The following KLHL3 variants were observed in gnomAD, a reference collection of about 807,000 sequenced individuals.
The protein encoded by KLHL3 is kelch-like protein 3.
In KLHL3, 19 loss-of-function variants were observed where a neutral mutation model predicts 70.5. The observed-to-expected ratio is 0.27, with a 90% CI of 0.19 to 0.40. The LOEUF (loss-of-function observed/expected upper bound fraction) is 0.40. Ranked by LOEUF, KLHL3 falls within the 10% of genes least tolerant of loss-of-function variation. The pLI is 1.00. For missense variants in KLHL3, 512 were observed against 771.1 expected (o/e 0.66, Z 3.98); for synonymous variants, 258 against 290.3 (o/e 0.89, Z 1.13).
chr5:137,664,283 G>A (rs776552553), intron 6 of KLHL3, among the ~76,000 whole-genome samples: 13 of 151,614 alleles, frequency 8.6e-5, no homozygotes, highest in Non-Finnish European at 1.5e-4. Context: ...CTGGGAGGTC[G>A]AGCCTACAGT....
Position 137,702,345 on chromosome 5 carries a change from T to C in KLHL3, c.242-3937A>G, listed in dbSNP as rs772710487. Among the ~76,000 whole-genome samples the C allele has an allele frequency of 2.6e-5, 4 of 152,318 alleles. No homozygotes were observed. In the South Asian group the frequency reaches 8.3e-4, roughly 32 times the overall value. On this transcript the variant is annotated intron_variant, in intron 3 of 14. Coordinates refer to ENST00000309755, the MANE Select transcript of KLHL3 (RefSeq NM_017415.3). ...AAGAGTCACTGATCTGGAGGAGTCA[T>C]AGTTATTCAGAAGAGAAGTGAGAAT...
intron 3 of KLHL3, 108 bp downstream of exon 3, chr5:137,709,642 G>C: frequency 2.4e-6 from 2 of 840,838 alleles, no homozygotes; most frequent in South Asian, 1.5e-5. Flanking sequence ...CCTCATAGTG[G>C]GCTAATGGCT....
chr5:137,698,367 C>T lies in KLHL3; in HGVS notation c.283G>A (p.Asp95Asn), dbSNP rs1181199465. The T allele has an allele frequency of 6.2e-6, 10 of 1,614,188 alleles. No homozygotes were observed. The highest frequency in any genetic ancestry group is 8.5e-6 in the Non-Finnish European group (10 of 1,180,028). ...ESKAKKIEIK[D>N]VDGQTLSKLI... ...TTACTCAGCGTCTGCCCATCCACGT[C>T]CTTGATTTCTATCTTTTTGGCTTTA... Residue 95 changes from aspartate to asparagine, a missense_variant, in exon 4 of 15, where the codon GAC (aspartate) becomes AAC (asparagine). Asp to Asn is a conservative substitution (Grantham distance 23). Coordinates refer to ENST00000309755, the MANE Select transcript of KLHL3 (RefSeq NM_017415.3).
chr5:137,726,266 G>C (rs1753083533), intron 1 of KLHL3, among the ~76,000 whole-genome samples: 1 of 152,096 alleles, frequency 6.6e-6, no homozygotes, highest in Admixed American at 6.6e-5. Context: ...CTAAAAAGCT[G>C]AAAAATCATC....
chr5:137,653,841 A>G (rs1375640322), intron 8 of KLHL3, among the ~76,000 whole-genome samples: 2 of 152,246 alleles, frequency 1.3e-5, no homozygotes, highest in Non-Finnish European at 2.9e-5. Context: ...CAAAAACTGG[A>G]TACCCAAATG....
intron 11 of KLHL3, among the ~76,000 whole-genome samples, chr5:137,635,986 AC>A (rs774287200): frequency 1.3e-5 from 2 of 152,292 alleles, no homozygotes; most frequent in Non-Finnish European, 1.5e-5. Context: ...GCTATTTTTA[AC>A]CCCTACTCTA....
chr5:137,704,084 T>A (rs1752626821), intron 3 of KLHL3, among the ~76,000 whole-genome samples: 1 of 152,174 alleles, frequency 6.6e-6, no homozygotes, highest in African/African-American at 2.4e-5. Context: ...GAGAGGAAAG[T>A]GAATTCTCCA....
At position 137,638,374 on chromosome 5, in the gene KLHL3, C is replaced by G. The variant is rs1003337997; in HGVS notation, c.1219+579G>C. Among the ~76,000 whole-genome samples the G allele has an allele frequency of 2.2e-4, 34 of 152,228 alleles. 1 individual carries two copies. Among genetic ancestry groups the G allele is most frequent in the Admixed American group, 2.1e-3 (32 of 15,286 alleles). ...ATAGAGCTACTGTCTGCAGAGACAT[C>G]TACCTGGCAGTATAAGCAGAGATGA... is the stretch of plus-strand genomic sequence containing the variant. On this transcript the variant is annotated intron_variant, in intron 10 of 14. Coordinates refer to ENST00000309755, the MANE Select transcript of KLHL3 (RefSeq NM_017415.3).
At chr5:137,671,871 T>C (rs1015918168) in intron 6 of KLHL3, 6 of 152,154 alleles carry the variant, frequency 3.9e-5, no homozygotes, top group Non-Finnish European at 5.9e-5. Context: ...GTGCTAGTTA[T>C]GTGGGTGTTT....
rs1308113750 is a variant in KLHL3 at position 137,735,801 on chromosome 5, T to C, written c.-155A>G. 7.1e-6 allele frequency: 7 copies of C among 988,270 alleles called. No individual in the cohort carries two copies. The East Asian group carries it at 1.4e-4, about 20-fold the overall frequency. 61.2% of individuals were successfully genotyped at this position (988,270 alleles called of 1,614,324 possible). On this transcript the variant is annotated 5_prime_UTR_variant, in exon 1 of 15. Transcript: ENST00000309755. ...GTGAAGCCTCCTCCCTTCTCAATCC[T>C]CCTTCCTCTGACTTACTCGCAGCAG...
chr5:137,732,355 T>C (rs1753192130), intron 1 of KLHL3, among the ~76,000 whole-genome samples: 1 of 151,862 alleles, frequency 6.6e-6, no homozygotes, highest in Non-Finnish European at 1.5e-5. Context: ...TCTAGAAAGA[T>C]ACAGCAAAGG....
chr5:137,626,005 A>G, intron 13 of KLHL3, 109 bp from the exon 14 acceptor site: 1 of 1,323,332 alleles, frequency 7.6e-7, no homozygotes, highest in Non-Finnish European at 1.0e-6. Flanking sequence ...TCCTCCCTTC[A>G]TGGCAATACA....
intron 4 of KLHL3, among the ~76,000 whole-genome samples, chr5:137,695,866 G>A (rs1442496212): frequency 6.6e-6 from 1 of 152,220 alleles, no homozygotes; most frequent in Non-Finnish European, 1.5e-5. Context: ...CTGGAGGGAG[G>A]AGGCTGAGAT....
In KLHL3 at chr5:137,735,903, G is replaced by A; in HGVS notation, c.-257C>T. 1 of 551,268 alleles carries A rather than the reference G, an allele frequency of 1.8e-6. No homozygotes were observed. The highest frequency in any genetic ancestry group is 3.3e-6 in the Non-Finnish European group (1 of 303,138). The allele number at this position is 551,268 out of a possible 1,614,324, so 34.1% of individuals were successfully genotyped here. ...GCAGCCCTTTCAGCTGCTAAAAGCAGCAACCCACTTGCTCCCCCTCCCCCG... is the reference window on the plus strand; with the variant it reads ...GCAGCCCTTTCAGCTGCTAAAAGCAACAACCCACTTGCTCCCCCTCCCCCG... On this transcript the variant is annotated 5_prime_UTR_variant, in exon 1 of 15. Transcript: ENST00000309755.
chr5:137,712,742 C>T (rs180686346), intron 2 of KLHL3, among the ~76,000 whole-genome samples: 45 of 152,244 alleles, frequency 3.0e-4, no homozygotes, highest in Admixed American at 1.4e-3. Flanking sequence ...TAGGAAGGAG[C>T]TCAGGCTCTC....
intron 5 of KLHL3, among the ~76,000 whole-genome samples, chr5:137,687,027 GTCA>G (rs1752189491): frequency 1.0e-4 from 11 of 110,070 alleles, no homozygotes; most frequent in Admixed American, 1.7e-4. Flanking sequence ...AGGTGGGGGG[GTCA>G]GCCCCCCGCC....
chr5:137,698,735 C>T (rs1752502458), intron 3 of KLHL3, among the ~76,000 whole-genome samples: 1 of 152,166 alleles, frequency 6.6e-6, no homozygotes, highest in African/African-American at 2.4e-5. Flanking sequence ...AAAAAGTGAA[C>T]AAGATATGCA....
chr5:137,627,496 A>G (rs1220851053), intron 13 of KLHL3, among the ~76,000 whole-genome samples: 1 of 107,022 alleles, frequency 9.3e-6, no homozygotes, highest in Non-Finnish European at 1.9e-5. Context: ...CCCGGTTTAC[A>G]CTTCCAAGTC....
At chr5:137,633,018 T>G (rs1750675875) in intron 12 of KLHL3, among the ~76,000 whole-genome samples, 1 of 152,126 alleles carries the variant, frequency 6.6e-6, no homozygotes, top group Non-Finnish European at 1.5e-5. Flanking sequence ...CAGTGGCTCA[T>G]GCCTGCAATC....
Sources: allele counts gnomAD v4.1 joint callset (sites outside exome capture counted in the v4.1 genomes callset), GRCh38; gene constraint gnomAD v4.1.1; transcripts MANE v1.5; gene names NCBI Gene and HGNC (gene_info 2026-07-23, HGNC 2026-07-21).